The following SYPL1 variants were observed in gnomAD, a reference collection of about 807,000 sequenced individuals.
SYPL1 encodes the protein synaptophysin like 1.
A neutral mutation model predicts 23.7 loss-of-function variants in SYPL1; 6 were observed. The ratio of observed to expected loss-of-function variants is 0.25; its 90% CI spans 0.14 to 0.50. The LOEUF is 0.50. Ranked by LOEUF, SYPL1 falls within the 20% of genes least tolerant of loss-of-function variation. The probability of loss-of-function intolerance (pLI) is 0.98; values close to 1 mark genes in which losing one functional copy is unlikely to be tolerated. For missense variants in SYPL1, 253 were observed against 288.9 expected (o/e 0.88, Z 0.90); for synonymous variants, 102 against 104.5 (o/e 0.98, Z 0.15).
At position 106,091,687 on chromosome 7, in the gene SYPL1, A is replaced by G. The variant is rs1368050696; in HGVS notation, c.*118T>C. On this transcript the variant is annotated 3_prime_UTR_variant, in exon 5 of 5. Transcript: ENST00000455385. This position sits in a 1 kb window ranked among gnomAD's most constrained non-coding sequence, Gnocchi z 5.0. ...ATGTAAAAAAGCAGCAAAGTTTTAA[A>G]CCCACCAATATATTGACAAAGCCAT... The G allele has an allele frequency of 1.7e-6, 2 of 1,149,032 alleles. No individual in the cohort carries two copies. The highest frequency in any genetic ancestry group is 2.3e-6 in the Non-Finnish European group (2 of 859,714). 71.2% of individuals were successfully genotyped at this position (1,149,032 alleles called of 1,614,324 possible).
At chr7:106,105,112 C>T (rs1840525734) in intron 1 of SYPL1, among the ~76,000 whole-genome samples, 1 of 152,064 alleles carries the variant, frequency 6.6e-6, no homozygotes, top group Non-Finnish European at 1.5e-5. Context: ...TCCAGGTTAT[C>T]CGCTTCTCCA....
Position 106,091,327 on chromosome 7 carries a change from A to C in SYPL1, c.*478T>G, listed in dbSNP as rs1455370660. The C allele has an allele frequency of 6.5e-6, 1 of 152,682 alleles. No homozygotes were observed. Among genetic ancestry groups the C allele is most frequent in the Non-Finnish European group, 1.5e-5 (1 of 68,078 alleles). The allele number at this position is 152,682 out of a possible 1,614,324, so 9.5% of individuals were successfully genotyped here. ...CATAACATAAACAATGTTAGATATAAATTTTGAACTCAATATGTTTTTTCC... is the reference window on the plus strand; with the variant it reads ...CATAACATAAACAATGTTAGATATACATTTTGAACTCAATATGTTTTTTCC... On this transcript the variant is annotated 3_prime_UTR_variant, in exon 5 of 5. Transcript: ENST00000455385. This position sits in a 1 kb window ranked among gnomAD's most constrained non-coding sequence, Gnocchi z 5.0.
rs527431166 is a variant in SYPL1, at chr7:106,106,501, G to A, written c.69+5639C>T. Among the ~76,000 whole-genome samples, 13 of 150,766 alleles carry A rather than the reference G, an allele frequency of 8.6e-5. 1 individual carries two copies. The East Asian group carries it at 1.8e-3, about 21-fold the overall frequency. ...TGGGAGGCGGAAGTTGCAGTGAGCC[G>A]AGATCATGCCACTGCACTCCAGCCT... On this transcript the variant is annotated intron_variant, in intron 1 of 4. Transcript: ENST00000455385.
rs2116176783 is a variant in SYPL1, at chr7:106,104,907, C to T, written c.70-5625G>A. On this transcript the variant is annotated intron_variant, in intron 1 of 4. Transcript: ENST00000455385. This position sits in a 1 kb window ranked among gnomAD's most constrained non-coding sequence, Gnocchi z 4.1. ...CTGCAAATATATTTGTGTGGCCTTT[C>T]CAGTATTACAAAAAAATGTGAATTT... Among the ~76,000 whole-genome samples, 1 of 152,208 alleles carries T rather than the reference C, an allele frequency of 6.6e-6. No homozygotes were observed. Among genetic ancestry groups the T allele is most frequent in the East Asian group, 1.9e-4 (1 of 5,180 alleles).
Position 106,112,277 on chromosome 7 carries a change from A to T in SYPL1, c.-69T>A. ...AGGAGGGGACCGACGAGACCAGAGC[A>T]GCCCGGTGGCGAGGAAGGGCAGGCG... On this transcript the variant is annotated 5_prime_UTR_variant, in exon 1 of 5. Coordinates refer to ENST00000455385, the MANE Select transcript of SYPL1 (RefSeq NM_182715.4). The T allele has an allele frequency of 2.1e-6, 3 of 1,416,524 alleles. No homozygotes were observed. The highest frequency in any genetic ancestry group is 2.8e-6 in the Non-Finnish European group (3 of 1,068,178). 87.7% of individuals were successfully genotyped at this position (1,416,524 alleles called of 1,614,324 possible). A position where few individuals can be genotyped will look rare whatever the true frequency, so the allele number is the denominator to read the frequency against.
At chr7:106,111,001 A>C (rs1386467686) in intron 1 of SYPL1, among the ~76,000 whole-genome samples, 1 of 152,202 alleles carries the variant, frequency 6.6e-6, no homozygotes, top group Non-Finnish European at 1.5e-5. Context: ...AAAATCAAGT[A>C]TATTTATTTA....
chr7:106,099,742 C>A (rs932876863), intron 1 of SYPL1, among the ~76,000 whole-genome samples: 4 of 152,070 alleles, frequency 2.6e-5, no homozygotes, highest in African/African-American at 9.7e-5. Flanking sequence ...TGTATAGACT[C>A]AAGTGTAGTG....
chr7:106,092,659 C>T (rs971177226), intron 4 of SYPL1: 15 of 371,272 alleles, frequency 4.0e-5, no homozygotes, highest in Non-Finnish European at 5.9e-5. Context: ...AGCGACATAG[C>T]GAAACTCCAT....
In SYPL1 at chr7:106,099,169, A is replaced by G; in HGVS notation, c.183T>C (p.Gly61=). The G allele has an allele frequency of 2.5e-6, 4 of 1,610,758 alleles. No homozygotes were observed. The highest frequency in any genetic ancestry group is 2.5e-6 in the Non-Finnish European group (3 of 1,179,208). Residue 61 remains glycine, a synonymous_variant, in exon 2 of 5, where the codon GGT becomes GGC. Coordinates refer to ENST00000455385, the MANE Select transcript of SYPL1 (RefSeq NM_182715.4). ...TENKTVTATF[G]YPFRLNEASF... Reference sequence around the variant, plus strand: ...TAAATATAACTCACCTGAATGGATAACCAAAAGTAGCTGTAACAGTTTTAT... The same window carrying G: ...TAAATATAACTCACCTGAATGGATAGCCAAAAGTAGCTGTAACAGTTTTAT...
At chr7:106,102,310 A>T (rs1316139655) in intron 1 of SYPL1, among the ~76,000 whole-genome samples, 1 of 152,154 alleles carries the variant, frequency 6.6e-6, no homozygotes, top group Non-Finnish European at 1.5e-5. Context: ...TGGTAAGGCC[A>T]GTCTCGAGCT....
intron 1 of SYPL1, among the ~76,000 whole-genome samples, chr7:106,102,109 T>TG (rs974013139): frequency 6.6e-6 from 1 of 152,034 alleles, no homozygotes; most frequent in Non-Finnish European, 1.5e-5. Context: ...TTTTTTTTTT[T>TG]TGAGACACAG....
intron 1 of SYPL1, among the ~76,000 whole-genome samples, chr7:106,101,719 G>A (rs1370588134): frequency 3.4e-5 from 5 of 148,440 alleles, no homozygotes; most frequent in Non-Finnish European, 7.4e-5. Context: ...AAATATGCAT[G>A]AATACACAGA....
chr7:106,102,492 T>TTA (rs1327749071), intron 1 of SYPL1, among the ~76,000 whole-genome samples: 1 of 152,154 alleles, frequency 6.6e-6, no homozygotes, highest in Non-Finnish European at 1.5e-5. Context: ...TCAGGCAACT[T>TTA]TTATAAACTC....
In SYPL1 at chr7:106,109,764, G is replaced by T. The variant is rs747846608; in HGVS notation, c.69+2376C>A. Among the ~76,000 whole-genome samples, 1 of 152,104 alleles carries T rather than the reference G, an allele frequency of 6.6e-6. No homozygotes were observed. Among genetic ancestry groups the T allele is most frequent in the Non-Finnish European group, 1.5e-5 (1 of 68,012 alleles). On this transcript the variant is annotated intron_variant, in intron 1 of 4. Coordinates refer to ENST00000455385, the MANE Select transcript of SYPL1 (RefSeq NM_182715.4). The surrounding 1 kb of genome is among the most constrained non-coding windows in gnomAD (Gnocchi z 4.3). ...AGTCATCTTAGGGTCCTCCCTCTTT[G>T]TTACCTTCCATATATATTCTAATTT...
Position 106,095,619 on chromosome 7 carries a change from T to C in SYPL1, c.402+2071A>G, listed in dbSNP as rs918855022. 9.9e-5 allele frequency among the ~76,000 whole-genome samples: 15 copies of C among 152,204 alleles called. No homozygotes were observed. The highest frequency in any genetic ancestry group is 2.1e-4 in the Non-Finnish European group (14 of 68,028). ...CACCCACCTCGGCCTCCCAAAGTGC[T>C]GGGATTACAGGCATGACCCACTGCA... On this transcript the variant is annotated intron_variant, in intron 3 of 4. Transcript: ENST00000455385. The surrounding 1 kb of genome is among the most constrained non-coding windows in gnomAD (Gnocchi z 4.3).
chr7:106,111,212 C>T (rs1585946305), intron 1 of SYPL1, among the ~76,000 whole-genome samples: 1 of 152,280 alleles, frequency 6.6e-6, no homozygotes, highest in South Asian at 2.1e-4. Context: ...TTATTTAGAA[C>T]AGGAAATTGA....
chr7:106,109,989 G>T lies in SYPL1; in HGVS notation c.69+2151C>A, dbSNP rs1563343180. Among the ~76,000 whole-genome samples the T allele has an allele frequency of 6.6e-6, 1 of 152,126 alleles. No homozygotes were observed. Among genetic ancestry groups the T allele is most frequent in the Non-Finnish European group, 1.5e-5 (1 of 68,014 alleles). On this transcript the variant is annotated intron_variant, in intron 1 of 4. Transcript: ENST00000455385. This position sits in a 1 kb window ranked among gnomAD's most constrained non-coding sequence, Gnocchi z 4.3. ...AGAAATCGATTGATTGAGGAATTAT[G>T]AGTGCCTAAAATTAGTCGTATCATT...
chr7:106,091,025 T>G lies in SYPL1; in HGVS notation c.*780A>C, dbSNP rs1247426400. ...GGTCTCAGCCTGCACTTAAACAGCA[T>G]GAGCAACAAAGGACAGGAAACAAAT... On this transcript the variant is annotated 3_prime_UTR_variant, in exon 5 of 5. Coordinates refer to ENST00000455385, the MANE Select transcript of SYPL1 (RefSeq NM_182715.4). This position sits in a 1 kb window ranked among gnomAD's most constrained non-coding sequence, Gnocchi z 5.0. 6.6e-6 allele frequency: 1 copy of G among 152,188 alleles called. No homozygotes were observed. The highest frequency in any genetic ancestry group is 1.5e-5 in the Non-Finnish European group (1 of 68,026). The allele number at this position is 152,188 out of a possible 1,614,324, so 9.4% of individuals were successfully genotyped here. A position where few individuals can be genotyped will look rare whatever the true frequency, so the allele number is the denominator to read the frequency against.
At chr7:106,093,430 C>T (rs1345724340) in intron 3 of SYPL1, among the ~76,000 whole-genome samples, 1 of 152,162 alleles carries the variant, frequency 6.6e-6, no homozygotes, top group African/African-American at 2.4e-5. Flanking sequence ...ACCTCAGCCA[C>T]TTACTCCCAG....
Sources: gnomAD v4.1 joint callset for allele counts (sites outside exome capture counted in the v4.1 genomes callset) on GRCh38, gnomAD v4.1.1 for gene constraint, Gnocchi (gnomAD v3.1) non-coding constraint, MANE v1.5 for transcripts, NCBI Gene and HGNC (gene_info 2026-07-23, HGNC 2026-07-21) for gene names.